The following RAPGEF2 variants were observed in gnomAD, a reference collection of about 807,000 sequenced individuals.
RAPGEF2 encodes the protein PDZ domain containing guanine nucleotide exchange factor (GEF) 1.
A neutral mutation model predicts 186.7 loss-of-function variants in RAPGEF2; 54 were observed. The ratio of observed to expected loss-of-function variants is 0.29; its 90% CI spans 0.23 to 0.36. The LOEUF is 0.36. Among genes scored for constraint, RAPGEF2 ranks in the 10% least tolerant of loss-of-function variants. RAPGEF2 has a pLI of 1.00. For synonymous variants in RAPGEF2, 712 were observed against 705.9 expected, an observed-to-expected ratio of 1.01 and a Z score of -0.14; for missense variants, 1,532 against 2,045.0, an observed-to-expected ratio of 0.75 and a Z score of 4.84.
At chr4:159,136,303 G>C (rs973053884) in intron 1 of RAPGEF2, among the ~76,000 whole-genome samples, 1 of 152,176 alleles carries the variant, frequency 6.6e-6, no homozygotes, top group African/African-American at 2.4e-5. Context: ...AGATTTGGGT[G>C]TGAAAGAAAG....
At chr4:159,124,428 A>G (rs552383160) in intron 1 of RAPGEF2, among the ~76,000 whole-genome samples, 3 of 152,030 alleles carry the variant, frequency 2.0e-5, no homozygotes, top group African/African-American at 4.8e-5. Flanking sequence ...AGTCCCAGCT[A>G]CTCGGGAAGC....
chr4:159,343,759 A>T (rs901199631), intron 22 of RAPGEF2, among the ~76,000 whole-genome samples: 3 of 152,258 alleles, frequency 2.0e-5, no homozygotes, highest in African/African-American at 7.2e-5. Context: ...CAATATCCAC[A>T]CAACAAATTT....
intron 3 of RAPGEF2, among the ~76,000 whole-genome samples, chr4:159,204,733 A>C (rs1363950700): frequency 6.6e-6 from 1 of 152,142 alleles, no homozygotes; most frequent in Admixed American, 6.5e-5. Flanking sequence ...GATGTATTGA[A>C]ATGAAATCAG....
chr4:159,251,089 C>T (rs1219016197), intron 7 of RAPGEF2, among the ~76,000 whole-genome samples: 7 of 152,164 alleles, frequency 4.6e-5, no homozygotes, highest in Admixed American at 2.0e-4. Flanking sequence ...GAGGGTGCGC[C>T]GGGTTCGCCA....
intron 6 of RAPGEF2, among the ~76,000 whole-genome samples, chr4:159,243,568 C>A (rs1046974267): frequency 2.4e-4 from 37 of 152,076 alleles, no homozygotes; most frequent in African/African-American, 7.9e-4. Flanking sequence ...TGATCAACTT[C>A]ACAGGTGATT....
chr4:159,162,902 G>C (rs1344018264), intron 1 of RAPGEF2, among the ~76,000 whole-genome samples: 2 of 151,910 alleles, frequency 1.3e-5, no homozygotes, highest in Non-Finnish European at 2.9e-5. Flanking sequence ...TTTTCCGTAA[G>C]ATTACCCAGG....
chr4:159,269,580 C>T (rs1373415003), intron 7 of RAPGEF2, among the ~76,000 whole-genome samples: 2 of 152,274 alleles, frequency 1.3e-5, no homozygotes, highest in East Asian at 3.9e-4. Flanking sequence ...GTTAGTTCAG[C>T]TATGCTTGAG....
chr4:159,180,404 T>C (rs1290049414), intron 1 of RAPGEF2, among the ~76,000 whole-genome samples: 2 of 152,200 alleles, frequency 1.3e-5, no homozygotes, highest in African/African-American at 2.4e-5. Context: ...ACATTACTTA[T>C]GTGTTGCCTG....
chr4:159,313,062 C>T (rs574952772), intron 8 of RAPGEF2, among the ~76,000 whole-genome samples: 1 of 152,120 alleles, frequency 6.6e-6, no homozygotes, highest in South Asian at 2.1e-4. Flanking sequence ...GCATGAGAAT[C>T]GCATGAACCT....
chr4:159,330,696 A>G (rs1335458501), intron 13 of RAPGEF2, 198 bp downstream of exon 13: 5 of 487,366 alleles, frequency 1.0e-5, no homozygotes, highest in Non-Finnish European at 1.8e-5. Flanking sequence ...TATGAACAAA[A>G]TATTAGTTCA....
chr4:159,249,820 T>G (rs932315608), intron 7 of RAPGEF2, among the ~76,000 whole-genome samples: 2 of 152,156 alleles, frequency 1.3e-5, no homozygotes, highest in Non-Finnish European at 2.9e-5. Flanking sequence ...TTAATTGTTT[T>G]TCTTTTTTGG....
At chr4:159,116,394 C>G (rs546037316) in intron 1 of RAPGEF2, among the ~76,000 whole-genome samples, 1 of 152,118 alleles carries the variant, frequency 6.6e-6, no homozygotes, top group Non-Finnish European at 1.5e-5. Flanking sequence ...TACCATCTCA[C>G]GCCAGTCAGA....
chr4:159,332,549 A>G lies in RAPGEF2; in HGVS notation c.1987A>G (p.Ile663Val). The G allele has an allele frequency of 6.2e-7, 1 of 1,614,162 alleles. No individual in the cohort carries two copies. Among genetic ancestry groups the G allele is most frequent in the Non-Finnish European group, 8.5e-7 (1 of 1,180,016 alleles). Residue 663 changes from isoleucine to valine, a missense_variant, in exon 17 of 30, where the codon ATT (isoleucine) becomes GTT (valine). By Grantham distance (29) the Ile-to-Val change is conservative. Around this residue, in one of 4 missense-constraint regions of RAPGEF2, gnomAD observed 810 missense variants for 1,210.5 expected, o/e 0.67. Coordinates refer to ENST00000691494, the MANE Select transcript of RAPGEF2 (RefSeq NM_001394067.2). The part of the protein sequence containing the change: ...GDIKKASRYS[I>V]PDLAVDVEQV... ...CATTAAAAAGGCCAGTCGCTACTCC[A>G]TTCCAGATCTTGCTGTAGATGTAGA...
intron 9 of RAPGEF2, among the ~76,000 whole-genome samples, chr4:159,317,628 T>C (rs1201495487): frequency 6.6e-6 from 1 of 152,242 alleles, no homozygotes; most frequent in African/African-American, 2.4e-5. Context: ...CCCTGTTCAC[T>C]TTCTTGGGTC....
In RAPGEF2 at chr4:159,323,526, T is replaced by C. The variant is rs775910350; in HGVS notation, c.1058T>C (p.Ile353Thr). Residue 353 changes from isoleucine (I) to threonine (T), a missense_variant, in exon 11 of 30, where the codon ATA becomes ACA. Coordinates refer to ENST00000691494, the MANE Select transcript of RAPGEF2 (RefSeq NM_001394067.2). ...EVTYPDGKAEILCMGNSFGVS... is the reference protein window; with the variant it reads ...EVTYPDGKAETLCMGNSFGVS... ...ACTTATCCAGATGGAAAAGCAGAAA[T>C]ACTGTGCATGGGAAATAGTTTTGGT... The C allele has an allele frequency of 7.4e-6, 12 of 1,613,308 alleles. No individual in the cohort carries two copies. The highest frequency in any genetic ancestry group is 1.0e-5 in the Non-Finnish European group (12 of 1,179,554).
At chr4:159,308,532 T>C (rs2111076525) in intron 8 of RAPGEF2, among the ~76,000 whole-genome samples, 1 of 152,286 alleles carries the variant, frequency 6.6e-6, no homozygotes, top group Middle Eastern at 3.4e-3. Flanking sequence ...ATTCCAAGGG[T>C]GAGCAACTTT....
chr4:159,193,147 C>A, intron 2 of RAPGEF2, 53 bp from the exon 3 acceptor site: 1 of 1,092,960 alleles, frequency 9.1e-7, no homozygotes, highest in Non-Finnish European at 1.2e-6. Flanking sequence ...TTTAAAATAC[C>A]AGTCTGTTTT....
At chr4:159,151,756 G>C (rs1293972151) in intron 1 of RAPGEF2, among the ~76,000 whole-genome samples, 2 of 152,152 alleles carry the variant, frequency 1.3e-5, no homozygotes, top group Non-Finnish European at 1.5e-5. Context: ...GTGTAAGTGT[G>C]TGTTTGTGTG....
At chr4:159,177,052 A>T (rs1447324104) in intron 1 of RAPGEF2, among the ~76,000 whole-genome samples, 1 of 152,178 alleles carries the variant, frequency 6.6e-6, no homozygotes. Flanking sequence ...TCTCAATCTT[A>T]AGGATATGAG....
Sources: allele counts gnomAD v4.1 joint callset (sites outside exome capture counted in the v4.1 genomes callset), GRCh38; gene constraint gnomAD v4.1.1; regional missense constraint gnomAD v4.1.1; transcripts MANE v1.5; gene names NCBI Gene and HGNC (gene_info 2026-07-23, HGNC 2026-07-21).